Variants in P2RX5 observed in about 807,000 individuals in gnomAD.
P2RX5 encodes P2X purinoceptor 5.
Under a neutral mutation model 54.1 loss-of-function variants are expected in P2RX5, and 46 were observed. That is an observed-to-expected ratio of 0.85 (90% CI 0.67 to 1.09). P2RX5 has a LOEUF of 1.09. Ranked by LOEUF, P2RX5 falls within the 50% of genes least tolerant of loss-of-function variation. The pLI is 0.00. For synonymous variants in P2RX5, 226 were observed against 226.4 expected (o/e 1.00, Z 0.02); for missense variants, 566 against 549.8 (o/e 1.03, Z -0.29).
At chr17:3,710,435 A>T in the P2RX5 span, among the ~76,000 whole-genome samples, 10 of 151,912 alleles carry the variant, frequency 6.6e-5, no homozygotes, top group East Asian at 9.7e-4. Flanking sequence ...TCAAATAAAT[A>T]AATAAATAAA....
upstream of P2RX5, among the ~76,000 whole-genome samples, chr17:3,699,090 C>T (rs1279957557): frequency 0.019 from 1,174 of 61,682 alleles, 23 homozygotes; most frequent in African/African-American, 0.041. Context: ...CACACACACA[C>T]ACACCTATAT....
chr17:3,676,167 C>T (rs1260362375), intron 11 of P2RX5: 12 of 985,378 alleles, frequency 1.2e-5, no homozygotes, highest in Non-Finnish European at 1.4e-5. Context: ...GGCTGAGCTC[C>T]AGGTTTCTCA....
chr17:3,679,578 C>A lies in P2RX5; in HGVS notation c.1259+12G>T. 1 of 1,605,100 alleles carries A rather than the reference C, an allele frequency of 6.2e-7. No homozygotes were observed. On this transcript the variant is annotated intron_variant, in intron 11 of 11. Transcript: ENST00000225328. Reference sequence around the variant, plus strand: ...CCCAGCTGTCGGGCTCTCTGCCTAGCAGTGGCCTCACCTGTGGGGCTCCAG... The same window carrying A: ...CCCAGCTGTCGGGCTCTCTGCCTAGAAGTGGCCTCACCTGTGGGGCTCCAG...
intron 1 of P2RX5, chr17:3,692,028 G>A: frequency 5.3e-6 from 3 of 561,342 alleles, no homozygotes. Context: ...GGGCCCTGAA[G>A]AGGCAAAGAC....
At chr17:3,681,056 T>A (rs1038559001) in intron 10 of P2RX5, among the ~76,000 whole-genome samples, 7 of 147,012 alleles carry the variant, frequency 4.8e-5, no homozygotes, top group African/African-American at 7.7e-5. Context: ...TCCTCCACCC[T>A]GCATCCTCCA....
At chr17:3,692,066 A>G (rs765496719) in intron 1 of P2RX5, 2 of 484,320 alleles carry the variant, frequency 4.1e-6, no homozygotes, top group Non-Finnish European at 7.6e-6. Context: ...TCACGCCTAT[A>G]ATCCGAGGCA....
At chr17:3,714,837 A>T in the P2RX5 span, 4 of 1,545,610 alleles carry the variant, frequency 2.6e-6, no homozygotes, top group Non-Finnish European at 2.7e-6. Context: ...CTCCCAGTGG[A>T]TAGCAGGTCC....
chr17:3,715,145 GA>G, the P2RX5 span, among the ~76,000 whole-genome samples: 1 of 152,166 alleles, frequency 6.6e-6, no homozygotes, highest in Non-Finnish European at 1.5e-5. Flanking sequence ...AATCAGAACT[GA>G]CTCCACCTTC....
intron 4 of P2RX5, 21 bp downstream of exon 4, chr17:3,690,584 G>A (rs900040728): frequency 1.1e-5 from 17 of 1,613,150 alleles, no homozygotes; most frequent in East Asian, 8.9e-5. Context: ...CCTTCAGCCC[G>A]TGGCCGCTCC....
At chr17:3,677,848 A>G in intron 11 of P2RX5, 1 of 985,286 alleles carries the variant, frequency 1.0e-6, no homozygotes, top group African/African-American at 1.7e-5. Context: ...CTTTCCCTGG[A>G]CACCTGCTCC....
the P2RX5 span, chr17:3,714,523 GC>G: frequency 5.1e-6 from 1 of 197,120 alleles, no homozygotes; most frequent in South Asian, 1.1e-4. Context: ...ATCATGCCCG[GC>G]CACAATCTAT....
chr17:3,694,773 C>G (rs759880291), intron 1 of P2RX5, among the ~76,000 whole-genome samples: 1 of 152,218 alleles, frequency 6.6e-6, no homozygotes, highest in South Asian at 2.1e-4. Context: ...TGCTGGGGCC[C>G]CACCCTCAGG....
chr17:3,717,521 C>T, the P2RX5 span: 1 of 152,114 alleles, frequency 6.6e-6, no homozygotes, highest in Non-Finnish European at 1.5e-5. Context: ...TTCCTGAGAC[C>T]CAGGTATGGC....
intron 7 of P2RX5, 51 bp downstream of exon 7, chr17:3,689,441 C>T (rs2050539613): frequency 6.2e-7 from 1 of 1,607,332 alleles, no homozygotes; most frequent in Non-Finnish European, 8.5e-7. Context: ...CAGAGCCAGG[C>T]CCAGTGCCCC....
chr17:3,675,558 CTTT>C (rs879893835), intron 11 of P2RX5: 4 of 803,570 alleles, frequency 5.0e-6, no homozygotes, highest in East Asian at 1.3e-4. Context: ...TCTTCACTTT[CTTT>C]TTTTTTTTTT....
intron 8 of P2RX5, 96 bp downstream of exon 8, chr17:3,688,530 C>T (rs748223140): frequency 1.6e-4 from 225 of 1,372,172 alleles, no homozygotes; most frequent in Non-Finnish European, 2.2e-4. Context: ...GCTCTGACAC[C>T]CACCCCCAGG....
upstream of P2RX5, among the ~76,000 whole-genome samples, chr17:3,699,300 CAGG>C (rs2050800093): frequency 6.6e-6 from 1 of 151,906 alleles, no homozygotes; most frequent in South Asian, 2.1e-4. Context: ...GAGGCTGAGG[CAGG>C]AGGATCACCT....
intron 9 of P2RX5, chr17:3,682,410 C>G (rs551291040): frequency 5.7e-4 from 171 of 301,756 alleles, no homozygotes; most frequent in African/African-American, 3.4e-3. Flanking sequence ...GGGAGGGTCC[C>G]TATTCAGTCC....
At position 3,695,932 on chromosome 17, in the gene P2RX5, T is replaced by C. The variant is rs760482726; in HGVS notation, c.74A>G (p.Lys25Arg). 3 of 1,613,998 alleles carry C rather than the reference T, an allele frequency of 1.9e-6. No individual in the cohort carries two copies. The highest frequency in any genetic ancestry group is 2.7e-5 in the African/African-American group (2 of 74,934). Residue 25 changes from lysine to arginine, a missense_variant, in exon 1 of 12, where the codon AAG becomes AGG. By Grantham distance (26) the Lys-to-Arg change is conservative. Coordinates refer to ENST00000225328, the MANE Select transcript of P2RX5 (RefSeq NM_002561.4). ...DYKTEKYVIAKNKKVGLLYRL... is the reference protein window; with the variant it reads ...DYKTEKYVIARNKKVGLLYRL... ...GTACAGCAGGCCCACCTTCTTGTTC[T>C]TGGCGATGACATACTTCTCGGTCTT...
Sources: gnomAD v4.1 joint callset for allele counts (sites outside exome capture counted in the v4.1 genomes callset) on GRCh38, gnomAD v4.1.1 for gene constraint, MANE v1.5 for transcripts, NCBI Gene and HGNC (gene_info 2026-07-23, HGNC 2026-07-21) for gene names.